BACH2: variants seen among roughly 807,000 people sequenced by gnomAD.
The protein encoded by BACH2 is BACH transcriptional regulator 2.
BACH2 carries 5 observed loss-of-function variants against 61.8 expected under a neutral mutation model. The observed-to-expected ratio is 0.08, with a 90% CI of 0.04 to 0.17. BACH2 has a LOEUF of 0.17. BACH2 is among the 10% of genes least tolerant of loss of function. The probability of loss-of-function intolerance (pLI) is 1.00; values close to 1 mark genes in which losing one functional copy is unlikely to be tolerated. For missense variants in BACH2, 824 were observed against 1,091.1 expected (o/e 0.76, Z 3.45); for synonymous variants, 446 against 440.1 (o/e 1.01, Z -0.17).
chr6:89,954,799 C>CT (rs1774335596), intron 6 of BACH2, among the ~76,000 whole-genome samples: 1 of 152,096 alleles, frequency 6.6e-6, no homozygotes, highest in Non-Finnish European at 1.5e-5. Context: ...ATCACTGAGG[C>CT]TTAGGAAACT....
At chr6:90,248,893 G>C (rs1005909877) in intron 3 of BACH2, among the ~76,000 whole-genome samples, 2 of 152,082 alleles carry the variant, frequency 1.3e-5, no homozygotes, top group East Asian at 1.9e-4. Flanking sequence ...ACCATGAAAC[G>C]GTCTTTTATT....
intron 4 of BACH2, among the ~76,000 whole-genome samples, chr6:90,200,639 GGTT>G (rs1220218366): frequency 6.6e-6 from 1 of 152,064 alleles, no homozygotes; most frequent in East Asian, 1.9e-4. Flanking sequence ...TTACTAATCT[GGTT>G]GTTAATGAAA....
intron 5 of BACH2, among the ~76,000 whole-genome samples, chr6:90,014,140 T>C (rs1471803025): frequency 1.3e-5 from 2 of 152,068 alleles, no homozygotes; most frequent in Non-Finnish European, 2.9e-5. Flanking sequence ...TTGTTAATAA[T>C]TTTTCATCTA....
intron 8 of BACH2, among the ~76,000 whole-genome samples, chr6:89,936,456 A>C (rs1475675169): frequency 1.3e-5 from 2 of 152,198 alleles, no homozygotes; most frequent in Non-Finnish European, 2.9e-5. Context: ...CCTGACTCTT[A>C]AAGAACAAAG....
At chr6:90,126,959 G>C (rs1048551110) in intron 4 of BACH2, among the ~76,000 whole-genome samples, 9 of 152,214 alleles carry the variant, frequency 5.9e-5, no homozygotes, top group African/African-American at 2.2e-4. Context: ...CAGGGAGGAG[G>C]CAGCCTCTGT....
intron 5 of BACH2, among the ~76,000 whole-genome samples, chr6:90,043,697 T>C (rs1779650079): frequency 6.6e-6 from 1 of 152,210 alleles, no homozygotes; most frequent in Non-Finnish European, 1.5e-5. Flanking sequence ...GCATGTTCCG[T>C]TTCCACCCAA....
chr6:90,227,525 C>T (rs1434410027), intron 3 of BACH2, among the ~76,000 whole-genome samples: 3 of 152,194 alleles, frequency 2.0e-5, no homozygotes, highest in Non-Finnish European at 4.4e-5. Flanking sequence ...AGTGACAGCC[C>T]CCTGCCTGCT....
intron 4 of BACH2, among the ~76,000 whole-genome samples, chr6:90,107,311 G>A (rs931435192): frequency 2.6e-4 from 40 of 151,968 alleles, no homozygotes; most frequent in Non-Finnish European, 1.0e-4. Context: ...AGCGGAGGTT[G>A]CAGTGAGCTG....
chr6:89,950,298 G>A lies in BACH2; in HGVS notation c.1808C>T (p.Ser603Leu), dbSNP rs757838437. The A allele has an allele frequency of 6.2e-6, 10 of 1,613,998 alleles. No individual in the cohort carries two copies. Among genetic ancestry groups the A allele is most frequent in the East Asian group, 2.2e-5 (1 of 44,894 alleles). Residue 603 changes from serine to leucine, a missense_variant, in exon 7 of 9, where the codon TCG becomes TTG. Ser to Leu is a moderately radical substitution (Grantham distance 145, BLOSUM62 -2). Transcript: ENST00000257749. The surrounding 1 kb of genome is among the most constrained non-coding windows in gnomAD (Gnocchi z 5.3). ...SGSFSEADSE[S>L]CPVQDRGQEV... Reference sequence around the variant, plus strand: ...CTGGCCCCTGTCCTGCACAGGACACGACTCACTGTCTGCTTCCGAGAACGA... The same window carrying A: ...CTGGCCCCTGTCCTGCACAGGACACAACTCACTGTCTGCTTCCGAGAACGA...
chr6:90,266,881 A>G (rs1268105463), intron 2 of BACH2, among the ~76,000 whole-genome samples: 1 of 152,134 alleles, frequency 6.6e-6, no homozygotes, highest in Non-Finnish European at 1.5e-5. Flanking sequence ...TGAATTGTAC[A>G]CTTGAGGAGG....
At chr6:90,055,374 T>C (rs1335273232) in intron 5 of BACH2, among the ~76,000 whole-genome samples, 1 of 151,990 alleles carries the variant, frequency 6.6e-6, no homozygotes, top group African/African-American at 2.4e-5. Context: ...AGGGTATCAG[T>C]GATGGAAGAC....
At chr6:90,229,014 G>A (rs1462732806) in intron 3 of BACH2, among the ~76,000 whole-genome samples, 1 of 152,196 alleles carries the variant, frequency 6.6e-6, no homozygotes, top group Non-Finnish European at 1.5e-5. Flanking sequence ...TAAAAAGTGA[G>A]TTCTATCCAT....
chr6:89,943,008 C>T (rs532143274), intron 7 of BACH2, among the ~76,000 whole-genome samples: 17 of 152,242 alleles, frequency 1.1e-4, no homozygotes, highest in African/African-American at 2.9e-4. Context: ...GACAGGGTCT[C>T]GCTCTGTTGC....
intron 4 of BACH2, among the ~76,000 whole-genome samples, chr6:90,161,279 G>A (rs569192344): frequency 2.8e-4 from 42 of 152,206 alleles, no homozygotes; most frequent in African/African-American, 9.9e-4. Context: ...GTATAGAAAT[G>A]TGATTATTTT....
chr6:90,242,880 G>C (rs1433556943), intron 3 of BACH2, among the ~76,000 whole-genome samples: 2 of 151,430 alleles, frequency 1.3e-5, no homozygotes, highest in African/African-American at 4.9e-5. Flanking sequence ...CAAATTATCT[G>C]ATTTCTTTTT....
At chr6:90,190,742 T>C (rs774859549) in intron 4 of BACH2, among the ~76,000 whole-genome samples, 8 of 152,212 alleles carry the variant, frequency 5.3e-5, no homozygotes, top group Non-Finnish European at 1.0e-4. Context: ...GAAAAATGTA[T>C]ATGCATACCA....
At chr6:90,093,871 A>T in intron 4 of BACH2, among the ~76,000 whole-genome samples, 1 of 152,208 alleles carries the variant, frequency 6.6e-6, no homozygotes, top group East Asian at 1.9e-4. Context: ...GCTCTTAGGA[A>T]AAGGTGGGTG....
chr6:90,060,251 A>C (rs1442557346), intron 5 of BACH2, among the ~76,000 whole-genome samples: 1 of 152,088 alleles, frequency 6.6e-6, no homozygotes, highest in African/African-American at 2.4e-5. Flanking sequence ...TCCATTCTGC[A>C]TATTTTTGTT....
At chr6:90,099,972 T>C (rs1782544927) in intron 4 of BACH2, among the ~76,000 whole-genome samples, 1 of 152,158 alleles carries the variant, frequency 6.6e-6, no homozygotes, top group African/African-American at 2.4e-5. Context: ...ACCAATCTAC[T>C]TTCTGTCTCT....
Sources: gnomAD v4.1 joint callset for allele counts (sites outside exome capture counted in the v4.1 genomes callset) on GRCh38, gnomAD v4.1.1 for gene constraint, Gnocchi (gnomAD v3.1) non-coding constraint, MANE v1.5 for transcripts, NCBI Gene and HGNC (gene_info 2026-07-23, HGNC 2026-07-21) for gene names.